Variants in TRIM71 observed in about 807,000 individuals in gnomAD.
TRIM71 encodes E3 ubiquitin-protein ligase TRIM71.
A neutral mutation model predicts 61.2 loss-of-function variants in TRIM71; 9 were observed. That is an observed-to-expected ratio of 0.15 (90% CI 0.09 to 0.26). TRIM71 has a LOEUF of 0.26. Among genes scored for constraint, TRIM71 ranks in the 10% least tolerant of loss-of-function variants. TRIM71 has a pLI of 1.00. For synonymous variants in TRIM71, 645 were observed against 553.2 expected (o/e 1.17, Z -2.33); for missense variants, 998 against 1,238.7 (o/e 0.81, Z 2.92).
rs368389851 is a variant in TRIM71, at chr3:32,878,576, T to C, written c.1020+4591T>C. Among the ~76,000 whole-genome samples, 3 of 152,208 alleles carry C rather than the reference T, an allele frequency of 2.0e-5. No individual in the cohort carries two copies. In the East Asian group the frequency reaches 5.8e-4, roughly 29 times the overall value. On this transcript the variant is annotated intron_variant, in intron 2 of 3. Transcript: ENST00000383763. ...GTTGCAGTGAGCTGAGATTGCACCA[T>C]TGCACTCCAGCCTGGGCAACAAGAG...
At chr3:32,847,492 G>GCC (rs1403246599) in intron 1 of TRIM71, among the ~76,000 whole-genome samples, 6 of 152,206 alleles carry the variant, frequency 3.9e-5, no homozygotes, top group Admixed American at 2.6e-4. Context: ...ACCGCACCCA[G>GCC]CCAGGGTAGT....
In TRIM71 at chr3:32,864,443, T is replaced by C. The variant is rs186824624; in HGVS notation, c.853-9375T>C. ...GGTGGGCCATGAGTTTGCCTCAAGC[T>C]GTGTGGGGTGGGTGAAGATAACAAG... On this transcript the variant is annotated intron_variant, in intron 1 of 3. Coordinates refer to ENST00000383763, the MANE Select transcript of TRIM71 (RefSeq NM_001039111.3). Among the ~76,000 whole-genome samples the C allele has an allele frequency of 3.9e-4, 60 of 152,298 alleles. 1 individual carries two copies. The highest frequency in any genetic ancestry group is 7.8e-4 in the Admixed American group (12 of 15,294).
At chr3:32,850,836 G>T (rs1195813184) in intron 1 of TRIM71, among the ~76,000 whole-genome samples, 1 of 152,042 alleles carries the variant, frequency 6.6e-6, no homozygotes, top group African/African-American at 2.4e-5. Context: ...TTGACCTTGT[G>T]CTCTGCCCCT....
chr3:32,865,815 C>CCCCCTT (rs1559546356), intron 1 of TRIM71, among the ~76,000 whole-genome samples: 2 of 16,296 alleles, frequency 1.2e-4, no homozygotes, highest in African/African-American at 2.0e-4. Context: ...CCCGCCCCAC[C>CCCCCTT]TTTTTTTTTT....
intron 1 of TRIM71, among the ~76,000 whole-genome samples, chr3:32,871,935 A>G (rs1696800111): frequency 6.6e-6 from 1 of 152,222 alleles, no homozygotes; most frequent in Non-Finnish European, 1.5e-5. Flanking sequence ...CGAGGTCAGA[A>G]GATCGAGACC....
At chr3:32,885,890 C>G (rs767593422) in intron 2 of TRIM71, 44 bp from the exon 3 acceptor site, 1 of 1,593,182 alleles carries the variant, frequency 6.3e-7, no homozygotes, top group African/African-American at 1.3e-5. Context: ...TAAGGAATGA[C>G]AGTCCTTCTA....
At chr3:32,852,774 AC>A (rs1249377691) in intron 1 of TRIM71, among the ~76,000 whole-genome samples, 89 of 151,576 alleles carry the variant, frequency 5.9e-4, no homozygotes, top group African/African-American at 2.0e-3. Context: ...AAAAAAAAAA[AC>A]AAAAACAAAC....
intron 1 of TRIM71, among the ~76,000 whole-genome samples, chr3:32,844,330 C>A (rs1485526038): frequency 6.6e-6 from 1 of 152,208 alleles, no homozygotes; most frequent in Admixed American, 6.5e-5. Flanking sequence ...TAGGTCACAA[C>A]AGAGTTCTCA....
At chr3:32,855,564 G>T (rs1303573575) in intron 1 of TRIM71, among the ~76,000 whole-genome samples, 1 of 152,202 alleles carries the variant, frequency 6.6e-6, no homozygotes, top group Non-Finnish European at 1.5e-5. Context: ...AACACACTAG[G>T]GCAGGAAGGA....
At position 32,897,459 on chromosome 3, in the gene TRIM71, A is replaced by G. The variant is rs1000058473; in HGVS notation, c.*5648A>G. On this transcript the variant is annotated 3_prime_UTR_variant, in exon 4 of 4. Transcript: ENST00000383763. ...AATGCAGTAGATGGGTGGGGAAATG[A>G]AGATTTCCCCCCAAACCTTTAGGCA... The G allele has an allele frequency of 5.9e-5, 9 of 152,134 alleles. No homozygotes were observed. Among genetic ancestry groups the G allele is most frequent in the African/African-American group, 2.2e-4 (9 of 41,428 alleles). The allele number at this position is 152,134 out of a possible 1,614,324, so 9.4% of individuals were successfully genotyped here. A position where few individuals can be genotyped will look rare whatever the true frequency, so the allele number is the denominator to read the frequency against.
intron 1 of TRIM71, among the ~76,000 whole-genome samples, chr3:32,820,874 T>C (rs1448788909): frequency 6.6e-6 from 1 of 152,212 alleles, no homozygotes; most frequent in Non-Finnish European, 1.5e-5. Flanking sequence ...TAACTAATAA[T>C]CCTTAACATA....
Position 32,896,244 on chromosome 3 carries a change from T to C in TRIM71, c.*4433T>C, listed in dbSNP as rs544417346. On this transcript the variant is annotated 3_prime_UTR_variant, in exon 4 of 4. Transcript: ENST00000383763. ...AGGAGCAATTCTAAAGGTCTAGATC[T>C]TGGAAACATCAAATATTTGAAGGGA... is the stretch of plus-strand genomic sequence containing the variant. 1 of 152,316 alleles carries C rather than the reference T, an allele frequency of 6.6e-6. No homozygotes were observed. Among genetic ancestry groups the C allele is most frequent in the South Asian group, 2.1e-4 (1 of 4,822 alleles). 9.4% of individuals were successfully genotyped at this position (152,316 alleles called of 1,614,324 possible).
At position 32,891,880 on chromosome 3, in the gene TRIM71, T is replaced by C. The variant is rs56098528; in HGVS notation, c.*69T>C. On this transcript the variant is annotated 3_prime_UTR_variant, in exon 4 of 4. Coordinates refer to ENST00000383763, the MANE Select transcript of TRIM71 (RefSeq NM_001039111.3). The surrounding 1 kb of genome is among the most constrained non-coding windows in gnomAD (Gnocchi z 8.2). ...TCTCTCTCTCTCTCTCTCTTTCTCTTTCTCTCTCTTTTTGAATTTCAAAGA... is the reference window on the plus strand; with the variant it reads ...TCTCTCTCTCTCTCTCTCTTTCTCTCTCTCTCTCTTTTTGAATTTCAAAGA... 7.1e-5 allele frequency: 78 copies of C among 1,100,152 alleles called. No individual in the cohort carries two copies. The highest frequency in any genetic ancestry group is 2.4e-4 in the Admixed American group (5 of 21,110). 68.1% of individuals were successfully genotyped at this position (1,100,152 alleles called of 1,614,324 possible). A position where few individuals can be genotyped will look rare whatever the true frequency, so the allele number is the denominator to read the frequency against.
At chr3:32,846,618 T>C (rs1696477816) in intron 1 of TRIM71, among the ~76,000 whole-genome samples, 1 of 152,166 alleles carries the variant, frequency 6.6e-6, no homozygotes, top group Non-Finnish European at 1.5e-5. Flanking sequence ...ACTGAAACTT[T>C]TAACCGACAT....
intron 1 of TRIM71, among the ~76,000 whole-genome samples, chr3:32,828,990 A>C (rs1222471256): frequency 6.7e-6 from 1 of 149,350 alleles, no homozygotes; most frequent in African/African-American, 2.5e-5. Flanking sequence ...CCCACTAGAA[A>C]GCACTAATTT....
intron 3 of TRIM71, among the ~76,000 whole-genome samples, chr3:32,888,000 A>G (rs1330343905): frequency 6.6e-6 from 1 of 152,208 alleles, no homozygotes; most frequent in Non-Finnish European, 1.5e-5. Flanking sequence ...AACTGTTTGG[A>G]TAAGTTCATT....
intron 1 of TRIM71, among the ~76,000 whole-genome samples, chr3:32,868,680 A>G (rs1226827701): frequency 2.0e-4 from 30 of 147,892 alleles, no homozygotes; most frequent in Non-Finnish European, 1.9e-4. Context: ...TGAGTGAGAC[A>G]TTAGGGTTTT....
chr3:32,821,167 CCT>C (rs1559535564), intron 1 of TRIM71, among the ~76,000 whole-genome samples: 2 of 152,088 alleles, frequency 1.3e-5, no homozygotes, highest in Non-Finnish European at 1.5e-5. Context: ...AAAAGTCATC[CCT>C]CTCTGGCTGG....
At chr3:32,820,762 A>G (rs1464229607) in intron 1 of TRIM71, among the ~76,000 whole-genome samples, 2 of 152,228 alleles carry the variant, frequency 1.3e-5, no homozygotes, top group Non-Finnish European at 2.9e-5. Context: ...TTCAAACTGC[A>G]TTGGGGAGTG....
Sources: allele counts gnomAD v4.1 joint callset (sites outside exome capture counted in the v4.1 genomes callset), GRCh38; gene constraint gnomAD v4.1.1; non-coding constraint Gnocchi (gnomAD v3.1); transcripts MANE v1.5; gene names NCBI Gene and HGNC (gene_info 2026-07-23, HGNC 2026-07-21).